TMEFF2: variants seen among roughly 807,000 people sequenced by gnomAD.
The protein encoded by TMEFF2 is transmembrane protein with EGF like and two follistatin like domains 2.
TMEFF2 carries 28 observed loss-of-function variants against 53.8 expected under a neutral mutation model. The ratio of observed to expected loss-of-function variants is 0.52; its 90% CI spans 0.39 to 0.71. TMEFF2 has a LOEUF of 0.71. TMEFF2 is among the 30% of genes least tolerant of loss of function. The pLI is 0.00. For missense variants in TMEFF2, 353 were observed against 455.2 expected, an observed-to-expected ratio of 0.78 and a Z score of 2.04; for synonymous variants, 162 against 166.3, an observed-to-expected ratio of 0.97 and a Z score of 0.20.
At chr2:191,988,252 G>A (rs959005658) in intron 7 of TMEFF2, among the ~76,000 whole-genome samples, 4 of 152,058 alleles carry the variant, frequency 2.6e-5, no homozygotes, top group Admixed American at 6.6e-5. Flanking sequence ...TCTGCCTGTT[G>A]GTTGTTTCTC....
chr2:191,962,405 A>C (rs1692299472), intron 7 of TMEFF2, among the ~76,000 whole-genome samples: 1 of 152,218 alleles, frequency 6.6e-6, no homozygotes, highest in African/African-American at 2.4e-5. Flanking sequence ...GTGTAAGAAA[A>C]CTAATTTCCA....
chr2:191,978,264 C>G (rs573265576), intron 7 of TMEFF2, among the ~76,000 whole-genome samples: 1 of 152,212 alleles, frequency 6.6e-6, no homozygotes, highest in South Asian at 2.1e-4. Flanking sequence ...GGAAAGCGAT[C>G]GGCCAGCTTT....
chr2:192,056,545 A>G (rs1466224889), intron 5 of TMEFF2, among the ~76,000 whole-genome samples: 2 of 152,214 alleles, frequency 1.3e-5, no homozygotes, highest in Non-Finnish European at 1.5e-5. Context: ...TGGGACGAAT[A>G]CAGTAGAAAG....
chr2:192,146,552 G>A (rs1690254103), intron 4 of TMEFF2, among the ~76,000 whole-genome samples: 1 of 151,892 alleles, frequency 6.6e-6, no homozygotes, highest in Non-Finnish European at 1.5e-5. Context: ...TTAGTCATGT[G>A]AACTGCTACA....
intron 2 of TMEFF2, among the ~76,000 whole-genome samples, chr2:192,187,234 A>T (rs1381670723): frequency 6.6e-6 from 1 of 152,230 alleles, no homozygotes; most frequent in African/African-American, 2.4e-5. Context: ...AATATTTAAC[A>T]GGTTTATAGC....
chr2:192,049,268 T>C (rs540381724), intron 5 of TMEFF2, among the ~76,000 whole-genome samples: 286 of 152,210 alleles, frequency 1.9e-3, no homozygotes, highest in African/African-American at 5.2e-3. Flanking sequence ...CTGGCACAAA[T>C]TGTGGCTCTC....
intron 8 of TMEFF2, among the ~76,000 whole-genome samples, 176 bp from the exon 9 acceptor site, chr2:191,954,013 G>A (rs958038846): frequency 6.1e-5 from 9 of 147,122 alleles, no homozygotes; most frequent in Admixed American, 2.1e-4. Flanking sequence ...TCAGCCTCCC[G>A]AGTAGCTGGG....
chr2:191,970,244 A>AT (rs1044372486), intron 7 of TMEFF2, among the ~76,000 whole-genome samples: 7 of 152,032 alleles, frequency 4.6e-5, no homozygotes, highest in Admixed American at 1.3e-4. Context: ...GCAAAATATT[A>AT]TATCTAGTGA....
chr2:192,042,191 ACT>A (rs1261493998), intron 5 of TMEFF2, among the ~76,000 whole-genome samples: 2 of 149,230 alleles, frequency 1.3e-5, no homozygotes, highest in African/African-American at 4.9e-5. Flanking sequence ...GTAGAGTGAG[ACT>A]CTGTCTCAAA....
chr2:192,075,310 T>TATATATATATAAAAATATAA (rs1553518816), intron 4 of TMEFF2, among the ~76,000 whole-genome samples: 4 of 74,914 alleles, frequency 5.3e-5, no homozygotes, highest in South Asian at 3.9e-4. Flanking sequence ...TATATATATA[T>TATATATATATAAAAATATAA]ATATATATAT....
intron 8 of TMEFF2, 46 bp from the exon 9 acceptor site, chr2:191,953,883 ATTTTTTTTTT>A (rs563154787): frequency 2.6e-5 from 16 of 610,320 alleles, no homozygotes; most frequent in South Asian, 1.3e-4. Flanking sequence ...TGCTGCATTC[ATTTTTTTTTT>A]TTTTTTTTTT....
chr2:192,193,433 G>A lies in TMEFF2; in HGVS notation c.172+920C>T, dbSNP rs550350460. On this transcript the variant is annotated intron_variant, in intron 1 of 9. Coordinates refer to ENST00000272771, the MANE Select transcript of TMEFF2 (RefSeq NM_016192.4). ...TTTAATTAGGAAGCTTCAGCAGAGC[G>A]AAGCCTGCCAAGCGTTCGCCGTCAG... 2.0e-5 allele frequency among the ~76,000 whole-genome samples: 3 copies of A among 152,242 alleles called. No individual in the cohort carries two copies. The South Asian group carries it at 6.2e-4, about 32-fold the overall frequency.
chr2:192,037,034 C>T (rs1356696124), intron 5 of TMEFF2: 1 of 151,976 alleles, frequency 6.6e-6, no homozygotes, highest in African/African-American at 2.4e-5. Flanking sequence ...AGGCAAGGAC[C>T]TTATCTGTGT....
At chr2:191,958,857 C>A (rs1329488529) in intron 7 of TMEFF2, among the ~76,000 whole-genome samples, 1 of 152,144 alleles carries the variant, frequency 6.6e-6, no homozygotes, top group African/African-American at 2.4e-5. Flanking sequence ...CAATATATGT[C>A]AACAAATTTA....
chr2:191,950,432 TCTC>T (rs1423493875), intron 9 of TMEFF2, 25 bp from the exon 10 acceptor site: 2 of 1,613,874 alleles, frequency 1.2e-6, no homozygotes, highest in East Asian at 4.5e-5. Flanking sequence ...AGTTTACAAA[TCTC>T]AGTCCAATGC....
At chr2:191,992,503 C>T (rs954392165) in intron 7 of TMEFF2, among the ~76,000 whole-genome samples, 3 of 151,978 alleles carry the variant, frequency 2.0e-5, no homozygotes, top group East Asian at 1.9e-4. Flanking sequence ...ATACTGTGTC[C>T]GGTTCCGGCT....
chr2:192,193,472 C>A (rs1451327373), intron 1 of TMEFF2, among the ~76,000 whole-genome samples: 2 of 152,078 alleles, frequency 1.3e-5, no homozygotes, highest in Non-Finnish European at 1.5e-5. Flanking sequence ...CTGAAGGAAC[C>A]CGAGCGAGCA....
At chr2:191,960,643 A>G (rs1692244819) in intron 7 of TMEFF2, among the ~76,000 whole-genome samples, 1 of 152,176 alleles carries the variant, frequency 6.6e-6, no homozygotes, top group African/African-American at 2.4e-5. Flanking sequence ...TTTATTGCAA[A>G]TGTATACAAA....
intron 4 of TMEFF2, among the ~76,000 whole-genome samples, chr2:192,157,733 T>C (rs188231676): frequency 9.9e-5 from 15 of 152,168 alleles, no homozygotes; most frequent in African/African-American, 3.6e-4. Flanking sequence ...TATTCCAGGC[T>C]ATGGTAAAAA....
Sources: allele counts gnomAD v4.1 joint callset (sites outside exome capture counted in the v4.1 genomes callset), GRCh38; gene constraint gnomAD v4.1.1; transcripts MANE v1.5; gene names NCBI Gene and HGNC (gene_info 2026-07-23, HGNC 2026-07-21).